The following RBP4 variants were observed in gnomAD, a reference collection of about 807,000 sequenced individuals.
The protein encoded by RBP4 is retinol binding protein 4, also known as retinol-binding protein 4.
Under a neutral mutation model 26.2 loss-of-function variants are expected in RBP4, and 9 were observed. The observed-to-expected ratio is 0.34, with a 90% CI of 0.21 to 0.60. RBP4 has a LOEUF of 0.60. Among genes scored for constraint, RBP4 ranks in the 20% least tolerant of loss-of-function variants. The probability of loss-of-function intolerance (pLI) is 0.80; values close to 1 mark genes in which losing one functional copy is unlikely to be tolerated. For missense variants in RBP4, 244 were observed against 271.3 expected (o/e 0.90, Z 0.71); for synonymous variants, 114 against 111.0 (o/e 1.03, Z -0.17).
intron 3 of RBP4, 60 bp from the exon 4 acceptor site, chr10:93,600,559 C>G: frequency 6.2e-7 from 1 of 1,612,246 alleles, no homozygotes; most frequent in Non-Finnish European, 8.5e-7. Context: ...CCTCCCTCCA[C>G]CCATTCGGTG....
At chr10:93,593,264 A>T (rs1380485008) in intron 5 of RBP4, among the ~76,000 whole-genome samples, 1 of 152,240 alleles carries the variant, frequency 6.6e-6, no homozygotes, top group Non-Finnish European at 1.5e-5. Flanking sequence ...GACAAGGGTA[A>T]TATCTCCTAA....
At position 93,600,744 on chromosome 10, in the gene RBP4, G is replaced by A. The variant is rs2058331655; in HGVS notation, c.171C>T (p.Asp57=). 6.2e-7 allele frequency: 1 copy of A among 1,611,536 alleles called. No homozygotes were observed. The highest frequency in any genetic ancestry group is 1.3e-5 in the African/African-American group (1 of 74,902). ...KKDPEGLFLQ[D]NIVAEFSVDE... is the part of the protein sequence containing the mutation. ...CCACGGAGAACTCCGCGACGATGTT[G>A]TCCTGCAGAAAGAGGCCCTCGGGGT... Residue 57 remains aspartate (D), a synonymous_variant, in exon 3 of 6, where the codon GAC becomes GAT. Transcript: ENST00000371464.
At chr10:93,595,131 CT>C (rs1251527496) in intron 4 of RBP4, among the ~76,000 whole-genome samples, 2 of 151,958 alleles carry the variant, frequency 1.3e-5, no homozygotes, top group African/African-American at 4.8e-5. Flanking sequence ...GAGTGAGATT[CT>C]GTCTTAAAAA....
intron 1 of RBP4, 43 bp from the exon 2 acceptor site, chr10:93,601,089 C>A (rs1043497816): frequency 1.9e-6 from 3 of 1,586,742 alleles, no homozygotes; most frequent in Non-Finnish European, 2.6e-6. Flanking sequence ...AGCCGACCCC[C>A]GCCGCCGTAT....
rs879188936 is a variant in RBP4, at chr10:93,593,816, G to T, written c.568+7C>A. The T allele has an allele frequency of 5.6e-6, 9 of 1,611,126 alleles. No homozygotes were observed. The highest frequency in any genetic ancestry group is 7.6e-6 in the Non-Finnish European group (9 of 1,179,832). On this transcript the variant is annotated splice_region_variant and intron_variant, in intron 5 of 5. Transcript: ENST00000371464. The stretch of plus-strand genomic sequence containing the variant: ...AAGAGCCAGAAGGCACCCTGCTCCT[G>T]ACTCACCGTTGTGGACGATCAGCCT...
chr10:93,596,305 C>T (rs2058302569), intron 4 of RBP4, among the ~76,000 whole-genome samples: 1 of 149,544 alleles, frequency 6.7e-6, no homozygotes, highest in Non-Finnish European at 1.5e-5. Flanking sequence ...GGCTACTGTT[C>T]TTGACTTTAA....
At chr10:93,592,146 A>G (rs1281510536) in intron 5 of RBP4, 34 bp from the exon 6 acceptor site, 1 of 1,604,706 alleles carries the variant, frequency 6.2e-7, no homozygotes, top group South Asian at 1.1e-5. Flanking sequence ...TTAACGACAG[A>G]AAGTGGACCC....
rs2058285767 is a variant in RBP4 at position 93,593,981 on chromosome 10, G to A, written c.410C>T (p.Ser137Phe). The change falls in exon 5 of 6, where the codon TCC becomes TTC. Residue 137 changes from serine (S) to phenylalanine (F), a missense_variant. Coordinates refer to ENST00000371464, the MANE Select transcript of RBP4 (RefSeq NM_006744.4). ...GCCATCGAGGTTCAGGAGGCGGCAG[G>A]AGTACTGCACGGCATACGTGTCGTA... is the stretch of plus-strand genomic sequence containing the variant. ...TDYDTYAVQY[S>F]CRLLNLDGTC... The A allele has an allele frequency of 6.2e-7, 1 of 1,613,834 alleles. No individual in the cohort carries two copies. Among genetic ancestry groups the A allele is most frequent in the African/African-American group, 1.3e-5 (1 of 74,902 alleles).
At chr10:93,593,308 C>A (rs572433906) in intron 5 of RBP4, among the ~76,000 whole-genome samples, 1 of 152,250 alleles carries the variant, frequency 6.6e-6, no homozygotes, top group South Asian at 2.1e-4. Flanking sequence ...AATCTCAAAA[C>A]CCCCAACTGA....
chr10:93,592,514 G>A lies in RBP4; in HGVS notation c.569-402C>T, dbSNP rs115120975. Among the ~76,000 whole-genome samples, 160 of 152,304 alleles carry A rather than the reference G, an allele frequency of 1.1e-3. 1 individual carries two copies. Among genetic ancestry groups the A allele is most frequent in the Middle Eastern group, 0.01 (3 of 294 alleles). On this transcript the variant is annotated intron_variant, in intron 5 of 5. Transcript: ENST00000371464. ...AGTGCTTCTATGTCTCATGTCATGT[G>A]TCACCAGATGGTGTGGCACAAGGGA...
At chr10:93,592,910 C>T (rs1261194465) in intron 5 of RBP4, among the ~76,000 whole-genome samples, 1 of 152,096 alleles carries the variant, frequency 6.6e-6, no homozygotes, top group Non-Finnish European at 1.5e-5. Flanking sequence ...CTCCGCCTCC[C>T]GGGCTCAAGT....
chr10:93,592,468 A>G (rs932063078), intron 5 of RBP4, among the ~76,000 whole-genome samples: 37 of 152,186 alleles, frequency 2.4e-4, no homozygotes, highest in African/African-American at 7.7e-4. Flanking sequence ...GACCTGGGAC[A>G]CACTGGTGAT....
At chr10:93,593,048 C>T (rs1253574448) in intron 5 of RBP4, among the ~76,000 whole-genome samples, 3 of 152,134 alleles carry the variant, frequency 2.0e-5, no homozygotes, top group African/African-American at 7.2e-5. Flanking sequence ...GAACTCCTGA[C>T]CTCATGTGAT....
chr10:93,594,141 G>C, intron 4 of RBP4, 106 bp from the exon 5 acceptor site: 1 of 1,117,334 alleles, frequency 8.9e-7, no homozygotes, highest in Non-Finnish European at 1.3e-6. Flanking sequence ...TCCAGAAGCT[G>C]GTTTTATTTC....
chr10:93,599,357 T>G (rs912161937), intron 4 of RBP4, among the ~76,000 whole-genome samples: 1 of 152,202 alleles, frequency 6.6e-6, no homozygotes, highest in African/African-American at 2.4e-5. Context: ...GTGCCATATA[T>G]GGAGAGCAAA....
intron 4 of RBP4, among the ~76,000 whole-genome samples, chr10:93,595,014 G>A (rs752240118): frequency 1.2e-4 from 18 of 152,040 alleles, no homozygotes; most frequent in South Asian, 4.1e-4. Context: ...GGTGACATGC[G>A]TCTGTGGTCT....
chr10:93,600,652 C>A lies in RBP4; in HGVS notation c.248+15G>T, dbSNP rs776583959. 6.2e-7 allele frequency: 1 copy of A among 1,612,024 alleles called. No homozygotes were observed. Among genetic ancestry groups the A allele is most frequent in the South Asian group, 1.1e-5 (1 of 90,656 alleles). On this transcript the variant is annotated intron_variant, in intron 3 of 5. Transcript: ENST00000371464. ...CTGGAGCGCAAAGGGCGCAGCTGCC[C>A]CGGCGGCCACTGACTTCAAAAGACG...
chr10:93,600,305 A>G, intron 4 of RBP4, 88 bp downstream of exon 4: 1 of 1,137,554 alleles, frequency 8.8e-7, no homozygotes, highest in Non-Finnish European at 1.3e-6. Flanking sequence ...ATTCTTCCTA[A>G]GGGTAGGTAC....
chr10:93,594,114 C>G, intron 4 of RBP4, 79 bp from the exon 5 acceptor site: 1 of 1,348,512 alleles, frequency 7.4e-7, no homozygotes, highest in Non-Finnish European at 1.1e-6. Flanking sequence ...ACGACCAGGC[C>G]TGAGAACACA....
Sources: allele counts gnomAD v4.1 joint callset (sites outside exome capture counted in the v4.1 genomes callset), GRCh38; gene constraint gnomAD v4.1.1; transcripts MANE v1.5; gene names NCBI Gene and HGNC (gene_info 2026-07-23, HGNC 2026-07-21).